Variants in SPACA7 observed in about 807,000 individuals in gnomAD.
The protein encoded by SPACA7 is sperm acrosome-associated protein 7.
A neutral mutation model predicts 26.3 loss-of-function variants in SPACA7; 19 were observed. The ratio of observed to expected loss-of-function variants is 0.72; its 90% confidence interval spans 0.50 to 1.06. The LOEUF (loss-of-function observed/expected upper bound fraction) is 1.06. Ranked by LOEUF, SPACA7 falls within the 50% of genes least tolerant of loss-of-function variation. The probability of loss-of-function intolerance (pLI) is 0.00; values close to 1 mark genes in which losing one functional copy is unlikely to be tolerated. For synonymous variants in SPACA7, 84 were observed against 84.5 expected, an observed-to-expected ratio of 0.99 and a Z score of 0.04; for missense variants, 211 against 229.9, an observed-to-expected ratio of 0.92 and a Z score of 0.53.
chr13:112,382,446 G>A, intron 1 of SPACA7: 2 of 1,550,118 alleles, frequency 1.3e-6, no homozygotes, highest in Non-Finnish European at 8.7e-7. Context: ...GGAAAAGGCT[G>A]TCAATGCTCT....
intron 1 of SPACA7, among the ~76,000 whole-genome samples, chr13:112,381,493 CCAAAAA>C (rs1884059392): frequency 7.0e-6 from 1 of 142,614 alleles, no homozygotes; most frequent in Non-Finnish European, 1.5e-5. Context: ...ACCCTGTCCC[CCAAAAA>C]AAAAAAAAAA....
At chr13:112,378,164 G>C (rs533976054) in intron 1 of SPACA7, among the ~76,000 whole-genome samples, 2 of 152,116 alleles carry the variant, frequency 1.3e-5, no homozygotes, top group South Asian at 4.1e-4. Context: ...CCAGTCAGGA[G>C]GGCAGAAGAA....
At chr13:112,386,111 A>G (rs1325002630) in intron 1 of SPACA7, among the ~76,000 whole-genome samples, 2 of 152,262 alleles carry the variant, frequency 1.3e-5, no homozygotes, top group African/African-American at 4.8e-5. Context: ...CAATGCTTCT[A>G]CTGCGCATTT....
At chr13:112,384,381 A>G (rs937172203) in intron 1 of SPACA7, among the ~76,000 whole-genome samples, 2 of 152,090 alleles carry the variant, frequency 1.3e-5, no homozygotes, top group Admixed American at 1.3e-4. Flanking sequence ...GGAGTTTTAC[A>G]TAATTTTGGA....
chr13:112,433,801 C>T (rs576326505), intron 6 of SPACA7, among the ~76,000 whole-genome samples: 2 of 152,302 alleles, frequency 1.3e-5, no homozygotes, highest in East Asian at 1.9e-4. Flanking sequence ...GGCCAACACA[C>T]GCGGTGTAGA....
At chr13:112,431,773 A>G (rs1250031236) in intron 5 of SPACA7, among the ~76,000 whole-genome samples, 1 of 152,156 alleles carries the variant, frequency 6.6e-6, no homozygotes, top group Non-Finnish European at 1.5e-5. Context: ...TAAATAAAGG[A>G]AGAGGATTAG....
At chr13:112,376,644 T>G (rs930652415) in intron 1 of SPACA7, among the ~76,000 whole-genome samples, 165 bp downstream of exon 1, 3 of 152,258 alleles carry the variant, frequency 2.0e-5, no homozygotes, top group Non-Finnish European at 2.9e-5. Flanking sequence ...GAAGACTTTT[T>G]AAAATCTAGA....
At chr13:112,430,166 C>CTGTGTG (rs1328761003) in intron 5 of SPACA7, among the ~76,000 whole-genome samples, 17 of 134,606 alleles carry the variant, frequency 1.3e-4, no homozygotes, top group African/African-American at 4.5e-4. Context: ...TCCCTTGCAT[C>CTGTGTG]TCTCTCTCTG....
At chr13:112,430,174 C>CTGTGTGTGTGTGTG (rs61438595) in intron 5 of SPACA7, among the ~76,000 whole-genome samples, 1,962 of 134,262 alleles carry the variant, frequency 0.015, 21 homozygotes, top group South Asian at 0.028. Flanking sequence ...ATCTCTCTCT[C>CTGTGTGTGTGTGTG]TGTGTGTGTG....
intron 1 of SPACA7, among the ~76,000 whole-genome samples, chr13:112,383,700 A>G (rs913036353): frequency 5.3e-4 from 80 of 152,326 alleles, no homozygotes; most frequent in African/African-American, 1.9e-3. Flanking sequence ...ACAGGTCAGG[A>G]ACCTTGTACA....
At chr13:112,394,628 C>A (rs568280466) in intron 2 of SPACA7, among the ~76,000 whole-genome samples, 2 of 152,306 alleles carry the variant, frequency 1.3e-5, no homozygotes, top group Admixed American at 1.3e-4. Flanking sequence ...ATTCTCGCTC[C>A]TGCCGCCCCG....
rs1457876825 is a variant in SPACA7 at position 112,393,224 on chromosome 13, C to G, written c.151+147C>G. ...GGGCTAGAATCATATACCAATGGCC[C>G]ATAGCTTTACTGCTGACATCTAAGA... On this transcript the variant is annotated intron_variant, in intron 2 of 6. Transcript: ENST00000283550. 8.9e-6 allele frequency: 5 copies of G among 560,696 alleles called. No individual in the cohort carries two copies. The East Asian group carries it at 1.4e-4, about 15-fold the overall frequency. The allele number at this position is 560,696 out of a possible 1,614,324, so 34.7% of individuals were successfully genotyped here.
At chr13:112,407,725 A>C (rs1198515916) in intron 5 of SPACA7, among the ~76,000 whole-genome samples, 4 of 152,228 alleles carry the variant, frequency 2.6e-5, no homozygotes, top group African/African-American at 9.6e-5. Flanking sequence ...GGCAATAATT[A>C]ATAGCCTACC....
At chr13:112,411,313 A>C (rs1171301592) in intron 5 of SPACA7, among the ~76,000 whole-genome samples, 1 of 151,956 alleles carries the variant, frequency 6.6e-6, no homozygotes, top group Non-Finnish European at 1.5e-5. Flanking sequence ...TTTTTAATTC[A>C]TATATAATAG....
Position 112,382,429 on chromosome 13 carries a change from G to T in SPACA7, c.94+5950G>T, listed in dbSNP as rs1015237533. On this transcript the variant is annotated intron_variant, in intron 1 of 6. Coordinates refer to ENST00000283550, the MANE Select transcript of SPACA7 (RefSeq NM_145248.5). ...ACCTTAATCTTCAGGTGCAGGCTGTGAAGATGGGAAAAGGCTGTCAATGCT... is the reference window on the plus strand; with the variant it reads ...ACCTTAATCTTCAGGTGCAGGCTGTTAAGATGGGAAAAGGCTGTCAATGCT... 6.5e-6 allele frequency: 10 copies of T among 1,549,450 alleles called. No individual in the cohort carries two copies. In the African/African-American group the frequency reaches 1.4e-4, roughly 21 times the overall value.
chr13:112,385,934 TCA>T (rs1021432623), intron 1 of SPACA7, among the ~76,000 whole-genome samples: 2 of 152,220 alleles, frequency 1.3e-5, no homozygotes, highest in Admixed American at 6.5e-5. Context: ...ATGACTGGCT[TCA>T]GGGTGGAGCC....
chr13:112,376,457 C>T lies in SPACA7; in HGVS notation c.72C>T (p.Leu24=), dbSNP rs1380979487. 6.2e-7 allele frequency: 1 copy of T among 1,613,504 alleles called. No homozygotes were observed. The highest frequency in any genetic ancestry group is 1.1e-5 in the South Asian group (1 of 90,830). The change falls in exon 1 of 7, where the codon CTC becomes CTT. Residue 24 remains leucine, a synonymous_variant. Transcript: ENST00000283550. ...TGTGCTGTTGGCAAGAAACTGAGCTCCGGCCGAGAACCGTGATTCCAGGTA... is the reference window on the plus strand; with the variant it reads ...TGTGCTGTTGGCAAGAAACTGAGCTTCGGCCGAGAACCGTGATTCCAGGTA... ...LLLCCWQETE[L]RPRTVIPGSP...
At chr13:112,405,832 G>A (rs1885953898) in intron 5 of SPACA7, among the ~76,000 whole-genome samples, 2 of 152,046 alleles carry the variant, frequency 1.3e-5, no homozygotes, top group Non-Finnish European at 2.9e-5. Context: ...TGTGATTCCT[G>A]TGTTATTTGG....
chr13:112,427,013 AT>A (rs750670356), intron 5 of SPACA7, among the ~76,000 whole-genome samples: 2 of 152,182 alleles, frequency 1.3e-5, no homozygotes, highest in Non-Finnish European at 2.9e-5. Flanking sequence ...AGCTGCAGGG[AT>A]TTTTTATACA....
Sources: gnomAD v4.1 joint callset for allele counts (sites outside exome capture counted in the v4.1 genomes callset) on GRCh38, gnomAD v4.1.1 for gene constraint, MANE v1.5 for transcripts, NCBI Gene and HGNC (gene_info 2026-07-23, HGNC 2026-07-21) for gene names.